Variants in AP3B1 observed in about 807,000 individuals in gnomAD.
The protein encoded by AP3B1 is adaptor related protein complex 3 subunit beta 1, also known as AP-3 complex subunit beta-1.
Under a neutral mutation model 132.5 loss-of-function variants are expected in AP3B1, and 61 were observed. The observed-to-expected ratio is 0.46, with a 90% CI of 0.37 to 0.57. AP3B1 has a LOEUF of 0.57. AP3B1 is among the 20% of genes least tolerant of loss of function. The probability of loss-of-function intolerance (pLI) is 0.00; values close to 1 mark genes in which losing one functional copy is unlikely to be tolerated. For missense variants in AP3B1, 1,120 were observed against 1,289.4 expected, an observed-to-expected ratio of 0.87 and a Z score of 2.01; for synonymous variants, 388 against 438.3, an observed-to-expected ratio of 0.89 and a Z score of 1.43.
intron 7 of AP3B1, among the ~76,000 whole-genome samples, chr5:78,211,505 T>C (rs1479471914): frequency 1.3e-5 from 2 of 152,230 alleles, no homozygotes; most frequent in Non-Finnish European, 2.9e-5. Flanking sequence ...TGAGAACTTA[T>C]TGACAAAAGC....
Position 78,045,377 on chromosome 5 carries a change from T to A in AP3B1, c.2578-6103A>T, listed in dbSNP as rs1376744581. ...GTCTGGGTGATGAAGCAAGGCTCTG[T>A]CTCAAAAAAAAAAAAAAAAAAAACA... On this transcript the variant is annotated intron_variant, in intron 22 of 26. Coordinates refer to ENST00000255194, the MANE Select transcript of AP3B1 (RefSeq NM_003664.5). Among the ~76,000 whole-genome samples, 106 of 134,792 alleles carry A rather than the reference T, an allele frequency of 7.9e-4. 1 individual carries two copies. The highest frequency in any genetic ancestry group is 2.7e-3 in the African/African-American group (95 of 35,512). 88.4% of individuals were successfully genotyped at this position (134,792 alleles called of 152,430 possible). A position where few individuals can be genotyped will look rare whatever the true frequency, so the allele number is the denominator to read the frequency against.
chr5:78,008,312 T>G (rs1478588750), intron 26 of AP3B1, among the ~76,000 whole-genome samples: 3 of 152,202 alleles, frequency 2.0e-5, no homozygotes. Context: ...CATTTTTACG[T>G]GAAACAGTTA....
intron 22 of AP3B1, among the ~76,000 whole-genome samples, chr5:78,085,552 A>G (rs1750206226): frequency 6.6e-6 from 1 of 152,166 alleles, no homozygotes; most frequent in Non-Finnish European, 1.5e-5. Context: ...ATAAGCACTA[A>G]TTCTCCTACG....
At chr5:78,228,322 C>T (rs1016967164) in intron 3 of AP3B1, 83 bp from the exon 4 acceptor site, 1 of 855,736 alleles carries the variant, frequency 1.2e-6, no homozygotes, top group African/African-American at 1.7e-5. Context: ...ATGCTCAATT[C>T]TTCTCAAGTA....
intron 21 of AP3B1, among the ~76,000 whole-genome samples, chr5:78,089,819 A>G (rs964977549): frequency 5.3e-4 from 81 of 151,984 alleles, no homozygotes; most frequent in African/African-American, 1.8e-3. Flanking sequence ...GTAAAGAAAC[A>G]TTTTTTTTCC....
At chr5:78,169,334 G>T (rs1350178822) in intron 11 of AP3B1, among the ~76,000 whole-genome samples, 1 of 152,108 alleles carries the variant, frequency 6.6e-6, no homozygotes, top group Admixed American at 6.5e-5. Flanking sequence ...ATTCTTTTAA[G>T]ATCCACCCAA....
chr5:78,261,467 G>A (rs971163108), intron 2 of AP3B1, among the ~76,000 whole-genome samples: 2 of 151,728 alleles, frequency 1.3e-5, no homozygotes, highest in Non-Finnish European at 2.9e-5. Flanking sequence ...TGTTGTTGTT[G>A]TTTTGTTTTG....
intron 1 of AP3B1, among the ~76,000 whole-genome samples, chr5:78,286,676 T>A (rs1293569196): frequency 6.6e-6 from 1 of 152,208 alleles, no homozygotes; most frequent in Non-Finnish European, 1.5e-5. Context: ...TATTCATTCT[T>A]CTCTCATTTG....
intron 22 of AP3B1, 71 bp downstream of exon 22, chr5:78,089,322 T>C (rs1750410551): frequency 8.8e-7 from 1 of 1,140,532 alleles, no homozygotes; most frequent in Non-Finnish European, 1.3e-6. Flanking sequence ...CTTCAAGTAT[T>C]TACATTTTAA....
At chr5:78,045,926 A>G (rs961537006) in intron 22 of AP3B1, among the ~76,000 whole-genome samples, 1 of 152,254 alleles carries the variant, frequency 6.6e-6, no homozygotes, top group Non-Finnish European at 1.5e-5. Context: ...TTTAAAAAGT[A>G]TCACTGGAAC....
intron 22 of AP3B1, among the ~76,000 whole-genome samples, chr5:78,053,750 C>T (rs1332325728): frequency 2.6e-5 from 4 of 151,834 alleles, no homozygotes; most frequent in African/African-American, 7.3e-5. Context: ...GTGTCCCTTC[C>T]GATCTTTTGC....
At chr5:78,057,041 C>G (rs1187768767) in intron 22 of AP3B1, among the ~76,000 whole-genome samples, 1 of 152,136 alleles carries the variant, frequency 6.6e-6, no homozygotes, top group Non-Finnish European at 1.5e-5. Flanking sequence ...CAGGATATTG[C>G]CCACCCACCT....
Position 78,021,235 on chromosome 5 carries a change from T to C in AP3B1, c.2895-446A>G, listed in dbSNP as rs148817153. Among the ~76,000 whole-genome samples the C allele has an allele frequency of 8.0e-4, 121 of 152,126 alleles. 1 individual carries two copies. Among genetic ancestry groups the C allele is most frequent in the Admixed American group, 4.6e-3 (71 of 15,270 alleles). ...TATTAGTTTTAAATGAAGAAGAAAA[T>C]AGAGTGACCATATTGTGTTTAGATA... On this transcript the variant is annotated intron_variant, in intron 24 of 26. Transcript: ENST00000255194.
At chr5:78,241,000 G>A in intron 2 of AP3B1, 64 bp from the exon 3 acceptor site, 1 of 1,192,972 alleles carries the variant, frequency 8.4e-7, no homozygotes. Flanking sequence ...TAGAAGATTA[G>A]GTCAACAAAT....
intron 2 of AP3B1, among the ~76,000 whole-genome samples, chr5:78,243,567 G>A (rs2112523180): frequency 6.6e-6 from 1 of 151,938 alleles, no homozygotes; most frequent in South Asian, 2.1e-4. Flanking sequence ...ATAATAGTGA[G>A]GTGGCAATAG....
Position 78,098,432 on chromosome 5 carries a change from TAAG to T in AP3B1, c.2470+2518_2470+2520del, listed in dbSNP as rs370487051. On this transcript the variant is annotated intron_variant, in intron 21 of 26. Transcript: ENST00000255194. ...TTGCCAGGAAATCCAGAGTTGAATA[TAAG>T]AAGAAAAAGTTGTAATTAGTACACT... is the stretch of plus-strand genomic sequence containing the variant. Among the ~76,000 whole-genome samples the T allele has an allele frequency of 1.7e-3, 264 of 152,188 alleles. 1 individual carries two copies. The highest frequency in any genetic ancestry group is 6.2e-3 in the African/African-American group (258 of 41,552).
intron 7 of AP3B1, among the ~76,000 whole-genome samples, chr5:78,204,192 T>C (rs1745412113): frequency 6.6e-6 from 1 of 152,208 alleles, no homozygotes; most frequent in Non-Finnish European, 1.5e-5. Flanking sequence ...TATAATGTGG[T>C]AACTAACTCA....
chr5:78,167,656 C>T (rs1379050891), intron 11 of AP3B1, among the ~76,000 whole-genome samples: 4 of 152,000 alleles, frequency 2.6e-5, no homozygotes, highest in East Asian at 1.9e-4. Flanking sequence ...CACACACACA[C>T]ACATACACAC....
At chr5:78,292,822 G>A (rs1237206795) in intron 1 of AP3B1, among the ~76,000 whole-genome samples, 1 of 139,018 alleles carries the variant, frequency 7.2e-6, no homozygotes, top group Admixed American at 7.0e-5. Flanking sequence ...AGTCAAAGCC[G>A]TAAGTTTTTT....
Sources: allele counts gnomAD v4.1 joint callset (sites outside exome capture counted in the v4.1 genomes callset), GRCh38; gene constraint gnomAD v4.1.1; transcripts MANE v1.5; gene names NCBI Gene and HGNC (gene_info 2026-07-23, HGNC 2026-07-21).